Variants in PSMA1 observed in about 807,000 individuals in gnomAD.
The protein encoded by PSMA1 is proteasome subunit alpha type-1.
PSMA1 carries 3 observed loss-of-function variants against 38.4 expected under a neutral mutation model. The observed-to-expected ratio is 0.08, with a 90% CI of 0.04 to 0.20. The LOEUF is 0.20. Among genes scored for constraint, PSMA1 ranks in the 10% least tolerant of loss-of-function variants. The pLI is 1.00. For missense variants in PSMA1, 227 were observed against 325.3 expected, an observed-to-expected ratio of 0.70 and a Z score of 2.32; for synonymous variants, 101 against 107.1, an observed-to-expected ratio of 0.94 and a Z score of 0.35.
chr11:14,537,469 TA>T (rs961700874), intron 2 of PSMA1, among the ~76,000 whole-genome samples: 3 of 150,844 alleles, frequency 2.0e-5, no homozygotes, highest in African/African-American at 7.3e-5. Context: ...TCATATCTTT[TA>T]AAGAGGGTGG....
At chr11:14,529,959 A>C (rs1851628027) in intron 2 of PSMA1, among the ~76,000 whole-genome samples, 2 of 152,164 alleles carry the variant, frequency 1.3e-5, no homozygotes, top group African/African-American at 4.8e-5. Context: ...TCTTGCTCTC[A>C]TCCACTAGAA....
intron 1 of PSMA1, among the ~76,000 whole-genome samples, chr11:14,619,872 C>T (rs759362237): frequency 9.2e-5 from 14 of 152,120 alleles, no homozygotes; most frequent in Non-Finnish European, 1.9e-4. Context: ...ACTTACTTAT[C>T]TTTATTGTAA....
At chr11:14,544,959 T>C (rs1045569607) in intron 2 of PSMA1, among the ~76,000 whole-genome samples, 1 of 152,144 alleles carries the variant, frequency 6.6e-6, no homozygotes, top group East Asian at 1.9e-4. Context: ...AAACAAAATA[T>C]GGTAAATCCA....
At chr11:14,519,099 T>A (rs193223003) in intron 1 of PSMA1, 58 bp from the exon 2 acceptor site, 9 of 1,319,012 alleles carry the variant, frequency 6.8e-6, no homozygotes, top group Non-Finnish European at 9.8e-6. Context: ...TCCCAACTCT[T>A]AACATTCATT....
At chr11:14,629,548 C>T (rs1254020784) in intron 1 of PSMA1, among the ~76,000 whole-genome samples, 3 of 152,030 alleles carry the variant, frequency 2.0e-5, no homozygotes, top group East Asian at 3.9e-4. Flanking sequence ...GGTACCAGTA[C>T]CATGCTGTTT....
intron 2 of PSMA1, among the ~76,000 whole-genome samples, chr11:14,533,185 A>G (rs1033010970): frequency 6.6e-6 from 1 of 152,190 alleles, no homozygotes; most frequent in Non-Finnish European, 1.5e-5. Flanking sequence ...TGCTGGTGAG[A>G]AATTCTACCT....
At chr11:14,506,962 G>A (rs1656348177) in intron 9 of PSMA1, among the ~76,000 whole-genome samples, 1 of 152,144 alleles carries the variant, frequency 6.6e-6, no homozygotes. Flanking sequence ...ACATGTGACT[G>A]AAGTTATCTT....
At chr11:14,598,703 CA>C (rs1415032606) in intron 2 of PSMA1, among the ~76,000 whole-genome samples, 2 of 148,354 alleles carry the variant, frequency 1.3e-5, no homozygotes, top group Non-Finnish European at 3.0e-5. Flanking sequence ...TCTAGTTTGC[CA>C]GTATGTGTCT....
intron 2 of PSMA1, among the ~76,000 whole-genome samples, chr11:14,576,758 TG>T (rs1852221797): frequency 6.6e-6 from 1 of 152,240 alleles, no homozygotes; most frequent in Non-Finnish European, 1.5e-5. Context: ...GTCTTGGCAA[TG>T]CAGGCTCTGT....
chr11:14,638,521 CT>C (rs1358012136), intron 1 of PSMA1, among the ~76,000 whole-genome samples: 3 of 22,270 alleles, frequency 1.3e-4, no homozygotes, highest in African/African-American at 5.8e-4. Flanking sequence ...CTCTCTCTCT[CT>C]CTCTCTCTCT....
chr11:14,555,583 G>A (rs915873770), intron 2 of PSMA1, among the ~76,000 whole-genome samples: 3 of 152,144 alleles, frequency 2.0e-5, no homozygotes, highest in East Asian at 3.9e-4. Flanking sequence ...GCTCCACACA[G>A]CTAACTGTAG....
intron 2 of PSMA1, among the ~76,000 whole-genome samples, chr11:14,601,687 T>C (rs1423602018): frequency 6.6e-6 from 1 of 152,180 alleles, no homozygotes; most frequent in Non-Finnish European, 1.5e-5. Context: ...GATTTATAGA[T>C]GCCTTAAGAA....
intron 2 of PSMA1, among the ~76,000 whole-genome samples, chr11:14,569,953 A>C (rs1047290795): frequency 6.6e-5 from 10 of 152,218 alleles, no homozygotes; most frequent in Non-Finnish European, 1.0e-4. Flanking sequence ...CTTGGAGACA[A>C]CTCCCAGTAG....
chr11:14,551,908 A>G (rs935476915), intron 2 of PSMA1, among the ~76,000 whole-genome samples: 17 of 152,328 alleles, frequency 1.1e-4, no homozygotes, highest in Non-Finnish European at 8.8e-5. Flanking sequence ...ATTTTATTTT[A>G]TCCTCTCTAT....
intron 1 of PSMA1, chr11:14,520,011 C>T: frequency 1.8e-6 from 1 of 560,166 alleles, no homozygotes; most frequent in South Asian, 2.1e-5. Flanking sequence ...CGCTCAGAAT[C>T]TACTCCACTG....
chr11:14,518,256 C>T (rs941015796), intron 2 of PSMA1, among the ~76,000 whole-genome samples: 2 of 151,984 alleles, frequency 1.3e-5, no homozygotes. Context: ...CAAGCACCAC[C>T]ACGCCCAGCT....
At chr11:14,588,803 T>C (rs1033101791) in intron 2 of PSMA1, among the ~76,000 whole-genome samples, 2 of 152,344 alleles carry the variant, frequency 1.3e-5, no homozygotes, top group East Asian at 3.9e-4. Flanking sequence ...ACTTCATCTG[T>C]ATGCTTCCCC....
At chr11:14,633,910 G>A (rs376155594) in intron 1 of PSMA1, among the ~76,000 whole-genome samples, 34 of 152,260 alleles carry the variant, frequency 2.2e-4, no homozygotes, top group African/African-American at 5.1e-4. Context: ...TCCAGGTGCC[G>A]TCTGTCACCC....
chr11:14,516,892 C>T (rs985315834), intron 4 of PSMA1, among the ~76,000 whole-genome samples: 1 of 152,146 alleles, frequency 6.6e-6, no homozygotes, highest in South Asian at 2.1e-4. Context: ...CACCACTGCA[C>T]TCCAGCCTGG....
Sources: gnomAD v4.1 joint callset for allele counts (sites outside exome capture counted in the v4.1 genomes callset) on GRCh38, gnomAD v4.1.1 for gene constraint, MANE v1.5 for transcripts, NCBI Gene and HGNC (gene_info 2026-07-23, HGNC 2026-07-21) for gene names.